Variants in LRRC4C observed in about 807,000 individuals in gnomAD.
The protein encoded by LRRC4C is leucine-rich repeat-containing protein 4C.
LRRC4C carries 5 observed loss-of-function variants against 33.6 expected under a neutral mutation model. The observed-to-expected ratio is 0.15, with a 90% CI of 0.08 to 0.31. The LOEUF (loss-of-function observed/expected upper bound fraction) is 0.31. Ranked by LOEUF, LRRC4C falls within the 10% of genes least tolerant of loss-of-function variation. The pLI, the probability that LRRC4C is intolerant of heterozygous loss-of-function variation, is 1.00. For missense variants in LRRC4C, 560 were observed against 796.7 expected (o/e 0.70, Z 3.58); for synonymous variants, 329 against 302.0 (o/e 1.09, Z -0.93).
intron 2 of LRRC4C, among the ~76,000 whole-genome samples, chr11:40,740,895 C>A (rs182798219): frequency 5.9e-4 from 89 of 151,990 alleles, no homozygotes; most frequent in African/African-American, 2.0e-3. Flanking sequence ...CTATACATTC[C>A]CCCCATTGGT....
chr11:40,431,930 C>T (rs1950952505), intron 3 of LRRC4C, among the ~76,000 whole-genome samples: 1 of 152,148 alleles, frequency 6.6e-6, no homozygotes, highest in South Asian at 2.1e-4. Context: ...CCCTTGCAGG[C>T]TAGTTCCAAA....
chr11:40,689,166 G>C (rs1945108866), intron 2 of LRRC4C, among the ~76,000 whole-genome samples: 1 of 151,936 alleles, frequency 6.6e-6, no homozygotes, highest in South Asian at 2.1e-4. Context: ...AAAGAACAAT[G>C]GTTTTGATTC....
At chr11:40,385,863 C>CAAATAAATAAATAAAAT (rs1949087290) in intron 3 of LRRC4C, among the ~76,000 whole-genome samples, 1 of 138,140 alleles carries the variant, frequency 7.2e-6, no homozygotes, top group Non-Finnish European at 1.5e-5. Flanking sequence ...GAGACTCTGT[C>CAAATAAATAAATAAAAT]AAATAAATAA....
At chr11:40,251,818 C>T (rs1293403925) in intron 4 of LRRC4C, among the ~76,000 whole-genome samples, 2 of 152,150 alleles carry the variant, frequency 1.3e-5, no homozygotes, top group Non-Finnish European at 2.9e-5. Flanking sequence ...GGGATTCTCA[C>T]TGCAGCATTT....
chr11:40,843,091 T>C (rs1952988294), intron 2 of LRRC4C, among the ~76,000 whole-genome samples: 1 of 152,200 alleles, frequency 6.6e-6, no homozygotes, highest in Admixed American at 6.6e-5. Flanking sequence ...GAATTTTCAT[T>C]CTAATCTATA....
chr11:40,349,566 C>T (rs1191991653), intron 3 of LRRC4C, among the ~76,000 whole-genome samples: 3 of 151,970 alleles, frequency 2.0e-5, no homozygotes, highest in Admixed American at 1.3e-4. Context: ...ATACTGATTT[C>T]CTTTTGTGGA....
intron 5 of LRRC4C, among the ~76,000 whole-genome samples, chr11:40,198,850 G>A (rs1384891309): frequency 1.3e-5 from 2 of 152,178 alleles, no homozygotes; most frequent in Non-Finnish European, 2.9e-5. Flanking sequence ...CCCAGAAACT[G>A]ATACAAAAAT....
intron 2 of LRRC4C, among the ~76,000 whole-genome samples, chr11:40,769,076 A>G (rs1277413088): frequency 6.6e-6 from 1 of 152,108 alleles, no homozygotes; most frequent in Non-Finnish European, 1.5e-5. Flanking sequence ...TAATACACAG[A>G]AAAACCAAAA....
chr11:41,126,174 C>T (rs1361063569), intron 1 of LRRC4C, among the ~76,000 whole-genome samples: 1 of 151,700 alleles, frequency 6.6e-6, no homozygotes, highest in Non-Finnish European at 1.5e-5. Flanking sequence ...ACATGTATCC[C>T]AGAAATTTAA....
At chr11:41,364,331 T>C (rs1403600722) in intron 1 of LRRC4C, among the ~76,000 whole-genome samples, 1 of 152,142 alleles carries the variant, frequency 6.6e-6, no homozygotes, top group African/African-American at 2.4e-5. Flanking sequence ...CAGGCTGGAG[T>C]GCAATGGTGC....
At chr11:40,205,604 C>G (rs1339462614) in intron 5 of LRRC4C, among the ~76,000 whole-genome samples, 1 of 152,126 alleles carries the variant, frequency 6.6e-6, no homozygotes, top group African/African-American at 2.4e-5. Flanking sequence ...TATTCACCCT[C>G]CCTCCTTTCA....
chr11:40,842,151 AC>A (rs2135657530), intron 2 of LRRC4C, among the ~76,000 whole-genome samples: 1 of 152,246 alleles, frequency 6.6e-6, no homozygotes. Flanking sequence ...TATCACTTAC[AC>A]CTGTTTGTCT....
intron 1 of LRRC4C, among the ~76,000 whole-genome samples, chr11:41,086,333 T>C (rs1286509084): frequency 3.3e-5 from 5 of 152,136 alleles, no homozygotes; most frequent in Admixed American, 3.3e-4. Context: ...TTAGCACTTA[T>C]ATATTGTATT....
At chr11:40,187,250 C>T (rs540697106) in intron 5 of LRRC4C, among the ~76,000 whole-genome samples, 8 of 151,924 alleles carry the variant, frequency 5.3e-5, no homozygotes, top group African/African-American at 7.2e-5. Flanking sequence ...TAACACTGCT[C>T]GGGAGCAGCA....
At chr11:41,061,690 C>T (rs1456400608) in intron 1 of LRRC4C, among the ~76,000 whole-genome samples, 1 of 152,152 alleles carries the variant, frequency 6.6e-6, no homozygotes, top group Non-Finnish European at 1.5e-5. Flanking sequence ...TAAAGAAATG[C>T]AACATGGCAC....
chr11:40,820,622 AG>A (rs1951893202), intron 2 of LRRC4C, among the ~76,000 whole-genome samples: 1 of 151,956 alleles, frequency 6.6e-6, no homozygotes, highest in African/African-American at 2.4e-5. Flanking sequence ...GTGCAGCAAA[AG>A]CATTTAACAA....
intron 3 of LRRC4C, among the ~76,000 whole-genome samples, chr11:40,357,039 C>T (rs919382681): frequency 6.6e-6 from 1 of 152,080 alleles, no homozygotes; most frequent in Non-Finnish European, 1.5e-5. Flanking sequence ...ACACTGTAAA[C>T]CATATATTCT....
chr11:41,062,600 C>T (rs962981401), intron 1 of LRRC4C, among the ~76,000 whole-genome samples: 8 of 152,104 alleles, frequency 5.3e-5, no homozygotes, highest in Non-Finnish European at 7.4e-5. Flanking sequence ...CAGAAATGCA[C>T]GGTCCCTATT....
chr11:40,289,469 T>C (rs1428212427), intron 4 of LRRC4C, among the ~76,000 whole-genome samples: 1 of 152,146 alleles, frequency 6.6e-6, no homozygotes, highest in Non-Finnish European at 1.5e-5. Context: ...CTTTAAAACT[T>C]GTAAAACCCA....
Sources: allele counts gnomAD v4.1 joint callset (sites outside exome capture counted in the v4.1 genomes callset), GRCh38; gene constraint gnomAD v4.1.1; transcripts MANE v1.5; gene names NCBI Gene and HGNC (gene_info 2026-07-23, HGNC 2026-07-21).